USP39: variants seen among roughly 807,000 people sequenced by gnomAD.
The protein encoded by USP39 is ubiquitin specific peptidase 39, also known as ubiquitin carboxyl-terminal hydrolase 39.
A neutral mutation model predicts 66.4 loss-of-function variants in USP39; 38 were observed. That is an observed-to-expected ratio of 0.57 (90% CI 0.44 to 0.75). The LOEUF (loss-of-function observed/expected upper bound fraction) is 0.75. Among genes scored for constraint, USP39 ranks in the 30% least tolerant of loss-of-function variants. The pLI, the probability that USP39 is intolerant of heterozygous loss-of-function variation, is 0.00. For missense variants in USP39, 608 were observed against 714.4 expected, an observed-to-expected ratio of 0.85 and a Z score of 1.70; for synonymous variants, 303 against 274.6, an observed-to-expected ratio of 1.10 and a Z score of -1.02.
intron 6 of USP39, among the ~76,000 whole-genome samples, chr2:85,632,831 C>T (rs1675463599): frequency 6.6e-6 from 1 of 152,024 alleles, no homozygotes; most frequent in Non-Finnish European, 1.5e-5. Flanking sequence ...ACCCCCTCAG[C>T]TGAACATGTG....
At chr2:85,622,911 G>A (rs1461343325) in intron 3 of USP39, among the ~76,000 whole-genome samples, 2 of 152,288 alleles carry the variant, frequency 1.3e-5, no homozygotes, top group East Asian at 1.9e-4. Flanking sequence ...CTTTGCTCTC[G>A]TAAGGAGCTT....
At chr2:85,605,601 C>T (rs1573368501) in intron 1 of USP39, among the ~76,000 whole-genome samples, 2 of 152,222 alleles carry the variant, frequency 1.3e-5, no homozygotes, top group Non-Finnish European at 2.9e-5. Flanking sequence ...TAATTGTCAA[C>T]ATTCCATGGT....
chr2:85,604,432 G>T (rs1290656188), intron 1 of USP39, among the ~76,000 whole-genome samples: 1 of 152,082 alleles, frequency 6.6e-6, no homozygotes, highest in Non-Finnish European at 1.5e-5. Context: ...GGCTGCTCTT[G>T]AACTCCTGAC....
rs1558851589 is a variant in USP39 at position 85,621,432 on chromosome 2, C to T, written c.339-53C>T. ...CACAGAGCCAGCACTGCTTCATTTG[C>T]GTGCCTTCCTACATGTCCATCCTAT... On this transcript the variant is annotated intron_variant, in intron 2 of 12. Coordinates refer to ENST00000323701, the MANE Select transcript of USP39 (RefSeq NM_006590.4). The T allele has an allele frequency of 8.6e-6, 13 of 1,503,160 alleles. No homozygotes were observed. In the South Asian group the frequency reaches 1.1e-4, roughly 13 times the overall value. 93.1% of individuals were successfully genotyped at this position (1,503,160 alleles called of 1,614,324 possible). A position where few individuals can be genotyped will look rare whatever the true frequency, so the allele number is the denominator to read the frequency against.
Position 85,616,479 on chromosome 2 carries a change from C to T in USP39, c.268+16C>T, listed in dbSNP as rs1673961459. ...GAGGTGCGAGGTGCGCGGGGCCGGG[C>T]CGGGCTAGGCGCGAGAGCCTGTTTT... On this transcript the variant is annotated intron_variant, in intron 1 of 12. Coordinates refer to ENST00000323701, the MANE Select transcript of USP39 (RefSeq NM_006590.4). 6.8e-7 allele frequency: 1 copy of T among 1,478,852 alleles called. No homozygotes were observed. Among genetic ancestry groups the T allele is most frequent in the Non-Finnish European group, 9.0e-7 (1 of 1,106,924 alleles). 91.6% of individuals were successfully genotyped at this position (1,478,852 alleles called of 1,614,324 possible). A position where few individuals can be genotyped will look rare whatever the true frequency, so the allele number is the denominator to read the frequency against.
chr2:85,616,617 T>C (rs984040604), intron 1 of USP39, among the ~76,000 whole-genome samples, 154 bp downstream of exon 1: 3 of 151,804 alleles, frequency 2.0e-5, no homozygotes, highest in African/African-American at 7.3e-5. Context: ...ACGATTCTGC[T>C]GTTCGACTTG....
chr2:85,639,543 C>T (rs1412861217), intron 9 of USP39, 152 bp downstream of exon 9: 1 of 716,368 alleles, frequency 1.4e-6, no homozygotes, highest in Non-Finnish European at 2.1e-6. Flanking sequence ...CAATCTCTAC[C>T]TCCCAGTTTC....
chr2:85,630,527 G>A lies in USP39; in HGVS notation c.724-194G>A, dbSNP rs200567290. ...AAAGTTGTCTGCAGAACTGTAGTTC[G>A]TATGAAACTCAACGTTAATGATATT... On this transcript the variant is annotated intron_variant, in intron 5 of 12. Transcript: ENST00000323701. 3.9e-5 allele frequency among the ~76,000 whole-genome samples: 6 copies of A among 152,306 alleles called. No homozygotes were observed. In the East Asian group the frequency reaches 5.8e-4, roughly 15 times the overall value.
chr2:85,639,636 A>C, intron 9 of USP39: 1 of 345,096 alleles, frequency 2.9e-6, no homozygotes, highest in Non-Finnish European at 5.3e-6. Context: ...TTATATTTTT[A>C]GTAGAGACAG....
rs368288808 is a variant in USP39, at chr2:85,625,705, G to A, written c.723+14G>A. 2.1e-5 allele frequency: 33 copies of A among 1,607,900 alleles called. No homozygotes were observed. Among genetic ancestry groups the A allele is most frequent in the African/African-American group, 5.4e-5 (4 of 74,730 alleles). Reference sequence around the variant, plus strand: ...GCTGTCCTTCAGGTAAGATCAAGACGGGAACATTGAGGAAGAGAAGGACAC... The same window carrying A: ...GCTGTCCTTCAGGTAAGATCAAGACAGGAACATTGAGGAAGAGAAGGACAC... On this transcript the variant is annotated intron_variant, in intron 5 of 12. Coordinates refer to ENST00000323701, the MANE Select transcript of USP39 (RefSeq NM_006590.4).
chr2:85,625,459 G>T lies in USP39; in HGVS notation c.571-80G>T. On this transcript the variant is annotated intron_variant, in intron 4 of 12. Coordinates refer to ENST00000323701, the MANE Select transcript of USP39 (RefSeq NM_006590.4). ...GGATGTTCATGGCCAAGTGTTTTTTGTTTTTGTAGAAATTACTGTTACAGA... is the reference window on the plus strand; with the variant it reads ...GGATGTTCATGGCCAAGTGTTTTTTTTTTTTGTAGAAATTACTGTTACAGA... 4 of 1,577,032 alleles carry T rather than the reference G, an allele frequency of 2.5e-6. No individual in the cohort carries two copies. The Admixed American group carries it at 5.4e-5, about 21-fold the overall frequency.
intron 5 of USP39, among the ~76,000 whole-genome samples, chr2:85,629,972 A>T (rs1173194997): frequency 6.6e-6 from 1 of 152,072 alleles, no homozygotes; most frequent in Non-Finnish European, 1.5e-5. Flanking sequence ...CAAAAATAAA[A>T]AAAAAATTTC....
At chr2:85,612,113 G>A (rs1573380313), upstream of USP39, 1 of 950,124 alleles carries the variant, frequency 1.1e-6, no homozygotes, top group Non-Finnish European at 1.5e-6. Flanking sequence ...GGGAGGCCCC[G>A]GCCTGGCCAA....
upstream of USP39, among the ~76,000 whole-genome samples, chr2:85,615,042 C>CA (rs1673824204): frequency 7.1e-6 from 1 of 140,134 alleles, no homozygotes; most frequent in Non-Finnish European, 1.5e-5. Flanking sequence ...GTGGGTATGA[C>CA]AGAGTTTCAC....
intron 1 of USP39, among the ~76,000 whole-genome samples, chr2:85,603,659 T>G (rs1673093338): frequency 6.6e-6 from 1 of 151,610 alleles, no homozygotes; most frequent in South Asian, 2.1e-4. Flanking sequence ...TGGCGCGATC[T>G]CGGCTCACTG....
At chr2:85,639,417 C>CCTATACTT (rs1676055697) in intron 9 of USP39, 26 bp downstream of exon 9, 2 of 1,572,586 alleles carry the variant, frequency 1.3e-6, no homozygotes, top group Non-Finnish European at 1.7e-6. Flanking sequence ...ACCTGCCCTG[C>CCTATACTT]CTATACTTAC....
intron 5 of USP39, among the ~76,000 whole-genome samples, chr2:85,629,437 T>G (rs1224896162): frequency 6.6e-6 from 1 of 152,142 alleles, no homozygotes; most frequent in African/African-American, 2.4e-5. Flanking sequence ...TTTTTATCTT[T>G]CTGCTTAATG....
chr2:85,639,571 C>T (rs1467117099), intron 9 of USP39, 180 bp downstream of exon 9: 8 of 557,276 alleles, frequency 1.4e-5, no homozygotes, highest in Non-Finnish European at 2.4e-5. Context: ...TCTCCTGCCT[C>T]AGCCTTCCTA....
intron 11 of USP39, chr2:85,645,376 A>G: frequency 4.1e-6 from 1 of 242,002 alleles, no homozygotes; most frequent in African/African-American, 2.3e-5. Context: ...TCCTGGGTTC[A>G]AGCAGTTCTC....
Sources: allele counts gnomAD v4.1 joint callset (sites outside exome capture counted in the v4.1 genomes callset), GRCh38; gene constraint gnomAD v4.1.1; transcripts MANE v1.5; gene names NCBI Gene and HGNC (gene_info 2026-07-23, HGNC 2026-07-21).